The following POMGNT1 variants were observed in gnomAD, a reference collection of about 807,000 sequenced individuals.
POMGNT1 encodes the protein protein O-linked-mannose beta-1,2-N-acetylglucosaminyltransferase 1.
In POMGNT1, 67 loss-of-function variants were observed where a neutral mutation model predicts 95.6. That is an observed-to-expected ratio of 0.70 (90% CI 0.58 to 0.86). The LOEUF is 0.86. POMGNT1 is among the 40% of genes least tolerant of loss of function. The probability of loss-of-function intolerance (pLI) is 0.00; values close to 1 mark genes in which losing one functional copy is unlikely to be tolerated. For missense variants in POMGNT1, 719 were observed against 855.2 expected, an observed-to-expected ratio of 0.84 and a Z score of 1.99; for synonymous variants, 298 against 317.9, an observed-to-expected ratio of 0.94 and a Z score of 0.66.
At position 46,189,313 on chromosome 1, in the gene POMGNT1, G is replaced by A; in HGVS notation, c.1940C>T (p.Pro647Leu). Residue 647 changes from proline (P) to leucine (L), a missense_variant, in exon 22 of 22, where the codon CCC becomes CTC. By Grantham distance (98) the Pro-to-Leu change is moderately conservative. Coordinates refer to ENST00000371984, the MANE Select transcript of POMGNT1 (RefSeq NM_017739.4). ...PSVTPIFLEP[P>L]PKEEGAPGAP... ...TCCTGGGGCTCCCTCCTCCTTTGGG[G>A]GTGGCTCCAGGAAAATTGGGGTGAC... 1.2e-6 allele frequency: 2 copies of A among 1,613,816 alleles called. No individual in the cohort carries two copies. Among genetic ancestry groups the A allele is most frequent in the Non-Finnish European group, 1.7e-6 (2 of 1,179,980 alleles).
intron 1 of POMGNT1, among the ~76,000 whole-genome samples, chr1:46,210,877 C>T (rs1658873718): frequency 1.3e-5 from 2 of 151,872 alleles, no homozygotes; most frequent in African/African-American, 4.8e-5. Flanking sequence ...CTGGCTCAAT[C>T]AATCCTCCCA....
chr1:46,216,862 C>T (rs532563827), intron 1 of POMGNT1, among the ~76,000 whole-genome samples: 1 of 152,318 alleles, frequency 6.6e-6, no homozygotes, highest in Non-Finnish European at 1.5e-5. Flanking sequence ...CAATGTTTAG[C>T]TCCCATTTAT....
chr1:46,219,790 G>A (rs745486834), exon 1 of POMGNT1: 17 of 1,614,140 alleles, frequency 1.1e-5, no homozygotes, highest in South Asian at 6.6e-5. Flanking sequence ...TTGGAGGAGC[G>A]GGGGACGTTG....
chr1:46,206,293 A>T (rs1265591128), intron 1 of POMGNT1, among the ~76,000 whole-genome samples: 2 of 152,208 alleles, frequency 1.3e-5, no homozygotes, highest in African/African-American at 2.4e-5. Context: ...GGAGATGGGG[A>T]CTGTGAAACC....
rs779428703 is a variant in POMGNT1, at chr1:46,192,198, C to T, written c.1439G>A (p.Arg480Gln). The change falls in exon 17 of 22, where the codon CGG (arginine) becomes CAG (glutamine). Residue 480 changes from arginine (R) to glutamine (Q), a missense_variant. Physicochemically the swap from Arg to Gln is conservative, Grantham distance 43. Around this residue, in one of 5 missense-constraint regions of POMGNT1, gnomAD observed 118 missense variants for 153.6 expected, o/e 0.77. Coordinates refer to ENST00000371984, the MANE Select transcript of POMGNT1 (RefSeq NM_017739.4). The stretch of plus-strand genomic sequence containing the variant: ...TCGGCCCCGGCGTTGTTCAGGCATC[C>T]GCATCCACATGTCCCAATCCCAGAG... The part of the protein sequence containing the change: ...EKLWDWDMWM[R>Q]MPEQRRGREC... 14 of 1,614,060 alleles carry T rather than the reference C, an allele frequency of 8.7e-6. No individual in the cohort carries two copies. Among genetic ancestry groups the T allele is most frequent in the South Asian group, 3.3e-5 (3 of 91,090 alleles).
intron 17 of POMGNT1, 168 bp from the exon 18 acceptor site, chr1:46,190,952 T>G (rs1260408083): frequency 1.0e-5 from 7 of 683,454 alleles, no homozygotes; most frequent in Non-Finnish European, 1.9e-5. Flanking sequence ...CTCAGCAAGC[T>G]CTTACTAGCT....
At chr1:46,211,627 G>C (rs531700236) in intron 1 of POMGNT1, among the ~76,000 whole-genome samples, 2 of 152,210 alleles carry the variant, frequency 1.3e-5, no homozygotes, top group South Asian at 4.1e-4. Context: ...CAAACCTTTA[G>C]ATAGTACCTC....
intron 2 of POMGNT1, 122 bp from the exon 3 acceptor site, chr1:46,197,206 C>A: frequency 6.3e-7 from 1 of 1,593,498 alleles, no homozygotes. Context: ...GTCCCTTCCT[C>A]TGTCTGCCTA....
chr1:46,201,995 A>G (rs922863682), upstream of POMGNT1, among the ~76,000 whole-genome samples: 1 of 151,340 alleles, frequency 6.6e-6, no homozygotes, highest in Non-Finnish European at 1.5e-5. Context: ...TAGGATTTAC[A>G]ATAAGAGGAT....
At chr1:46,205,217 C>G (rs1477245502) in intron 1 of POMGNT1, among the ~76,000 whole-genome samples, 1 of 152,024 alleles carries the variant, frequency 6.6e-6, no homozygotes, top group African/African-American at 2.4e-5. Flanking sequence ...GAAATCGCAC[C>G]ACTGCACTCC....
At chr1:46,191,612 G>T in intron 17 of POMGNT1, 2 of 228,976 alleles carry the variant, frequency 8.7e-6, no homozygotes, top group Non-Finnish European at 1.7e-5. Flanking sequence ...TCAAAATATC[G>T]TAACCCAGTG....
intron 9 of POMGNT1, 129 bp downstream of exon 9, chr1:46,194,145 C>T (rs767498806): frequency 1.0e-4 from 162 of 1,566,784 alleles, no homozygotes; most frequent in Non-Finnish European, 1.3e-4. Flanking sequence ...TCTTTCAGAG[C>T]GCAGTGTAAA....
chr1:46,202,140 A>C (rs1331965004), upstream of POMGNT1, among the ~76,000 whole-genome samples: 1 of 149,626 alleles, frequency 6.7e-6, no homozygotes, highest in African/African-American at 2.4e-5. Flanking sequence ...TTTTTTGCCA[A>C]TTGGGAGTGG....
chr1:46,203,403 A>G (rs201289427), upstream of POMGNT1: 73 of 1,437,666 alleles, frequency 5.1e-5, no homozygotes, highest in African/African-American at 9.7e-4. Context: ...CCGGTCGCCC[A>G]GCCCTTTTCA....
intron 1 of POMGNT1, among the ~76,000 whole-genome samples, chr1:46,204,662 G>A (rs1415374181): frequency 1.3e-5 from 2 of 152,194 alleles, no homozygotes; most frequent in Admixed American, 1.3e-4. Context: ...GGTGGGTGGA[G>A]CAGTCAGGAA....
At position 46,189,098 on chromosome 1, in the gene POMGNT1, C is replaced by T; in HGVS notation, c.*172G>A. On this transcript the variant is annotated 3_prime_UTR_variant, in exon 22 of 22. Transcript: ENST00000371984. ...AATAAATAGACTTTTAACTCAGGAA[C>T]GGGGTGTTGGAGCAGGGGAACCCTC... 8 of 1,501,602 alleles carry T rather than the reference C, an allele frequency of 5.3e-6. No individual in the cohort carries two copies. Among genetic ancestry groups the T allele is most frequent in the South Asian group, 1.4e-5 (1 of 73,170 alleles). The allele number at this position is 1,501,602 out of a possible 1,614,324, so 93.0% of individuals were successfully genotyped here.
At chr1:46,207,228 G>A (rs114116689) in intron 1 of POMGNT1, among the ~76,000 whole-genome samples, 13,936 of 151,736 alleles carry the variant, frequency 0.092, 870 homozygotes, top group Middle Eastern at 0.19. Flanking sequence ...CTATGGGCAT[G>A]TGCCACCACA....
rs766253288 is a variant in POMGNT1, at chr1:46,192,892, C to G, written c.1211+8G>C. 5 of 1,614,124 alleles carry G rather than the reference C, an allele frequency of 3.1e-6. No homozygotes were observed. The South Asian group carries it at 5.5e-5, about 18-fold the overall frequency. On this transcript the variant is annotated splice_region_variant and intron_variant, in intron 14 of 21. Coordinates refer to ENST00000371984, the MANE Select transcript of POMGNT1 (RefSeq NM_017739.4). ...GGACCTCAACTGAAACCTAGAGACT[C>G]CCCTCACCTGAAAAAATCCACAGCA...
rs1349291334 is a variant in POMGNT1 at position 46,194,646 on chromosome 1, C to T, written c.658G>A (p.Val220Ile). 5.0e-6 allele frequency: 8 copies of T among 1,614,140 alleles called. No homozygotes were observed. The highest frequency in any genetic ancestry group is 1.3e-5 in the African/African-American group (1 of 74,946). The change falls in exon 8 of 22, where the codon GTC becomes ATC. Residue 220 changes from valine (V) to isoleucine (I), a missense_variant. Coordinates refer to ENST00000371984, the MANE Select transcript of POMGNT1 (RefSeq NM_017739.4). The part of the protein sequence containing the change: ...WAFVGRKGGP[V>I]FGEKHSKSPA... ...GATTTAGAATGTTTCTCCCCGAAGA[C>T]AGGACCTGGCAGGAGGCAGGAATGA...
Sources: gnomAD v4.1 joint callset for allele counts (sites outside exome capture counted in the v4.1 genomes callset) on GRCh38, gnomAD v4.1.1 for gene constraint, gnomAD v4.1.1 regional missense constraint, MANE v1.5 for transcripts, NCBI Gene and HGNC (gene_info 2026-07-23, HGNC 2026-07-21) for gene names.